DDX10: variants seen among roughly 807,000 people sequenced by gnomAD.
DDX10 encodes the protein probable ATP-dependent RNA helicase DDX10.
Under a neutral mutation model 104.3 loss-of-function variants are expected in DDX10, and 74 were observed. The ratio of observed to expected loss-of-function variants is 0.71; its 90% CI spans 0.59 to 0.86. The LOEUF (loss-of-function observed/expected upper bound fraction) is 0.86. Ranked by LOEUF, DDX10 falls within the 40% of genes least tolerant of loss-of-function variation. DDX10 has a pLI of 0.00. For synonymous variants in DDX10, 351 were observed against 353.4 expected (o/e 0.99, Z 0.08); for missense variants, 952 against 1,040.0 (o/e 0.92, Z 1.16).
chr11:108,706,652 T>C, intron 9 of DDX10, 87 bp from the exon 10 acceptor site: 1 of 1,025,000 alleles, frequency 9.8e-7, no homozygotes, highest in Non-Finnish European at 1.5e-6. Flanking sequence ...ACAAAAATGG[T>C]TTCCATGTTT....
intron 13 of DDX10, among the ~76,000 whole-genome samples, chr11:108,812,312 A>G (rs1862193351): frequency 6.6e-6 from 1 of 152,186 alleles, no homozygotes. Context: ...TTTGCCACAC[A>G]GCACCAGTGA....
At chr11:108,884,072 C>G (rs1156944054) in intron 16 of DDX10, among the ~76,000 whole-genome samples, 4 of 152,286 alleles carry the variant, frequency 2.6e-5, no homozygotes, top group South Asian at 2.1e-4. Flanking sequence ...CCCTAAATTT[C>G]TATCTCTAGC....
chr11:108,813,837 T>G (rs536884484), intron 13 of DDX10, among the ~76,000 whole-genome samples: 3 of 152,334 alleles, frequency 2.0e-5, no homozygotes, highest in South Asian at 4.1e-4. Flanking sequence ...TTCTACTGAT[T>G]TAACCTGTCA....
intron 17 of DDX10, 115 bp from the exon 18 acceptor site, chr11:108,940,131 G>T: frequency 8.7e-7 from 1 of 1,143,626 alleles, no homozygotes; most frequent in Non-Finnish European, 1.2e-6. Flanking sequence ...TGTTGCCATG[G>T]TTTCCTTCAT....
chr11:108,848,314 C>G (rs914939454), intron 15 of DDX10, among the ~76,000 whole-genome samples: 1 of 152,140 alleles, frequency 6.6e-6, no homozygotes, highest in African/African-American at 2.4e-5. Flanking sequence ...GAGCCAGAGA[C>G]TGGTCTGGCT....
chr11:108,759,025 T>C (rs2094347681), intron 13 of DDX10, among the ~76,000 whole-genome samples: 1 of 152,004 alleles, frequency 6.6e-6, no homozygotes. Context: ...TTGTTAGCTT[T>C]TGTATCTATG....
At chr11:108,811,001 A>T (rs947214875) in intron 13 of DDX10, among the ~76,000 whole-genome samples, 2 of 152,168 alleles carry the variant, frequency 1.3e-5, no homozygotes, top group Non-Finnish European at 2.9e-5. Flanking sequence ...GTCTATCTCC[A>T]GTGGAATATA....
At chr11:108,819,973 G>A (rs1240952133) in intron 13 of DDX10, among the ~76,000 whole-genome samples, 2 of 152,200 alleles carry the variant, frequency 1.3e-5, no homozygotes, top group Non-Finnish European at 2.9e-5. Context: ...TACAAGCAAT[G>A]TTCCTAAAGT....
chr11:108,780,928 GT>G (rs1207604664), intron 13 of DDX10, among the ~76,000 whole-genome samples: 2 of 152,128 alleles, frequency 1.3e-5, no homozygotes, highest in Admixed American at 1.3e-4. Flanking sequence ...TTATGCAGTA[GT>G]TTTTCTTTTT....
At chr11:108,862,198 A>G (rs1022226377) in intron 16 of DDX10, among the ~76,000 whole-genome samples, 4 of 152,190 alleles carry the variant, frequency 2.6e-5, no homozygotes, top group Non-Finnish European at 5.9e-5. Context: ...TTCTATTTTT[A>G]TTTTTGATAG....
intron 13 of DDX10, among the ~76,000 whole-genome samples, chr11:108,757,506 A>T (rs1210085968): frequency 6.6e-6 from 1 of 152,126 alleles, no homozygotes; most frequent in Non-Finnish European, 1.5e-5. Flanking sequence ...AGCTAGAAGC[A>T]CTGTGGCCAG....
intron 13 of DDX10, among the ~76,000 whole-genome samples, chr11:108,769,999 C>T (rs1174767827): frequency 6.6e-5 from 10 of 152,152 alleles, no homozygotes; most frequent in Admixed American, 3.3e-4. Context: ...TAACATCTGG[C>T]TGAAGAGTTG....
intron 13 of DDX10, among the ~76,000 whole-genome samples, chr11:108,762,302 G>A (rs1812636286): frequency 6.6e-5 from 10 of 152,154 alleles, no homozygotes; most frequent in Admixed American, 6.6e-4. Flanking sequence ...ATTCCTCTTG[G>A]AGTTACTTTC....
intron 16 of DDX10, among the ~76,000 whole-genome samples, chr11:108,905,323 G>GA (rs1565314632): frequency 7.1e-6 from 1 of 141,410 alleles, no homozygotes; most frequent in Non-Finnish European, 1.5e-5. Flanking sequence ...GGGGGGGGGG[G>GA]GTTGAAATCC....
intron 16 of DDX10, among the ~76,000 whole-genome samples, chr11:108,852,598 A>G (rs1034899801): frequency 6.6e-5 from 10 of 152,202 alleles, no homozygotes; most frequent in Admixed American, 4.6e-4. Context: ...TGTGAACCCA[A>G]CCTCATAACA....
At chr11:108,923,500 G>C (rs1863867006) in intron 17 of DDX10, among the ~76,000 whole-genome samples, 1 of 152,182 alleles carries the variant, frequency 6.6e-6, no homozygotes, top group Admixed American at 6.5e-5. Flanking sequence ...TGATCTGTTA[G>C]TCTCTGGATT....
intron 16 of DDX10, among the ~76,000 whole-genome samples, chr11:108,863,342 A>G (rs1458438640): frequency 6.6e-6 from 1 of 152,224 alleles, no homozygotes; most frequent in Non-Finnish European, 1.5e-5. Flanking sequence ...GTGATCTAAA[A>G]GTTCTTTTAT....
chr11:108,800,655 A>C (rs1862008612), intron 13 of DDX10, among the ~76,000 whole-genome samples: 1 of 152,138 alleles, frequency 6.6e-6, no homozygotes, highest in Non-Finnish European at 1.5e-5. Context: ...CTTGTTGATC[A>C]ATTGACAATC....
intron 13 of DDX10, among the ~76,000 whole-genome samples, chr11:108,788,655 G>A (rs1372753904): frequency 2.6e-5 from 4 of 152,228 alleles, no homozygotes; most frequent in Non-Finnish European, 4.4e-5. Context: ...AAGCCATGGA[G>A]CCCAGCCCTG....
Sources: allele counts gnomAD v4.1 joint callset (sites outside exome capture counted in the v4.1 genomes callset), GRCh38; gene constraint gnomAD v4.1.1; transcripts MANE v1.5; gene names NCBI Gene and HGNC (gene_info 2026-07-23, HGNC 2026-07-21).